Variants in KCNB2 observed in about 807,000 individuals in gnomAD.
KCNB2 encodes potassium voltage-gated channel subfamily B member 2.
Under a neutral mutation model 61.5 loss-of-function variants are expected in KCNB2, and 15 were observed. The ratio of observed to expected loss-of-function variants is 0.24; its 90% CI spans 0.16 to 0.38. The LOEUF is 0.38. KCNB2 is among the 10% of genes least tolerant of loss of function. The probability of loss-of-function intolerance (pLI) is 1.00; values close to 1 mark genes in which losing one functional copy is unlikely to be tolerated. For synonymous variants in KCNB2, 457 were observed against 446.0 expected (o/e 1.02, Z -0.31); for missense variants, 828 against 1,125.2 (o/e 0.74, Z 3.78).
At chr8:72,733,539 C>T (rs1468211520) in intron 2 of KCNB2, among the ~76,000 whole-genome samples, 1 of 152,150 alleles carries the variant, frequency 6.6e-6, no homozygotes, top group Admixed American at 6.6e-5. Context: ...GTCATCATTT[C>T]CTCATCTGTA....
intron 2 of KCNB2, among the ~76,000 whole-genome samples, chr8:72,797,401 T>G (rs960081910): frequency 1.3e-5 from 2 of 152,192 alleles, no homozygotes; most frequent in Admixed American, 6.5e-5. Flanking sequence ...CCCAACCTGT[T>G]TGTGTAATAA....
intron 1 of KCNB2, among the ~76,000 whole-genome samples, chr8:72,556,056 CATT>C (rs1806421497): frequency 6.6e-6 from 1 of 152,030 alleles, no homozygotes; most frequent in Non-Finnish European, 1.5e-5. Flanking sequence ...CTGTTTTTCT[CATT>C]ATTTATTTCA....
chr8:72,729,887 A>C (rs1807712335), intron 2 of KCNB2, among the ~76,000 whole-genome samples: 1 of 148,874 alleles, frequency 6.7e-6, no homozygotes, highest in Non-Finnish European at 1.5e-5. Context: ...CTCCGTCTCA[A>C]AAAAAAAAAA....
intron 2 of KCNB2, among the ~76,000 whole-genome samples, chr8:72,664,665 A>G (rs914025369): frequency 1.3e-5 from 2 of 152,252 alleles, no homozygotes; most frequent in African/African-American, 4.8e-5. Flanking sequence ...AGTACTTGTT[A>G]CATTTCAGAC....
rs569353651 is a variant in KCNB2 at position 72,829,852 on chromosome 8, C to T, written c.580-106083C>T. ...TTACTGATTCTTTTTATTATGTGCT[C>T]GGCCTTCATAACCATCAATATATGA... On this transcript the variant is annotated intron_variant, in intron 2 of 2. Coordinates refer to ENST00000523207, the MANE Select transcript of KCNB2 (RefSeq NM_004770.3). 2.6e-5 allele frequency among the ~76,000 whole-genome samples: 4 copies of T among 151,864 alleles called. No individual in the cohort carries two copies. The South Asian group carries it at 6.3e-4, about 24-fold the overall frequency.
chr8:72,894,792 G>A (rs1805962645), intron 2 of KCNB2, among the ~76,000 whole-genome samples: 1 of 152,158 alleles, frequency 6.6e-6, no homozygotes, highest in Non-Finnish European at 1.5e-5. Context: ...TTCGGGAATT[G>A]TAATTTCACT....
intron 2 of KCNB2, among the ~76,000 whole-genome samples, chr8:72,666,241 T>C (rs1728713307): frequency 6.6e-6 from 1 of 152,222 alleles, no homozygotes; most frequent in Admixed American, 6.5e-5. Context: ...GGCGTTATTT[T>C]CTCTTCAGAA....
chr8:72,641,621 G>T (rs962888729), intron 2 of KCNB2, among the ~76,000 whole-genome samples: 4 of 152,070 alleles, frequency 2.6e-5, no homozygotes, highest in Non-Finnish European at 4.4e-5. Context: ...ATCTCCTTAA[G>T]TGAATGCCAT....
At chr8:72,598,587 G>C (rs1328290706) in intron 2 of KCNB2, among the ~76,000 whole-genome samples, 1 of 152,146 alleles carries the variant, frequency 6.6e-6, no homozygotes, top group Admixed American at 6.5e-5. Context: ...CATAGTGTTG[G>C]AAGTTCTGGC....
chr8:72,792,483 T>C (rs900017846), intron 2 of KCNB2, among the ~76,000 whole-genome samples: 1 of 152,204 alleles, frequency 6.6e-6, no homozygotes, highest in African/African-American at 2.4e-5. Context: ...TTAATGTATT[T>C]ATGTATTTAA....
chr8:72,668,113 C>T (rs562019276), intron 2 of KCNB2, among the ~76,000 whole-genome samples: 2 of 152,340 alleles, frequency 1.3e-5, no homozygotes, highest in East Asian at 3.9e-4. Flanking sequence ...CAGCCATGAA[C>T]TTCCAGTTGC....
intron 2 of KCNB2, among the ~76,000 whole-genome samples, chr8:72,705,778 G>A (rs1006318920): frequency 1.3e-5 from 2 of 152,206 alleles, no homozygotes; most frequent in Non-Finnish European, 2.9e-5. Context: ...TGTGTAGCAT[G>A]AGAATGAAGT....
intron 2 of KCNB2, among the ~76,000 whole-genome samples, chr8:72,784,227 G>T (rs1276225109): frequency 1.3e-5 from 2 of 151,868 alleles, no homozygotes; most frequent in Non-Finnish European, 2.9e-5. Context: ...CTAAACCTTT[G>T]TATCTTTTGA....
At chr8:72,928,341 C>T (rs1420204080) in intron 2 of KCNB2, among the ~76,000 whole-genome samples, 2 of 151,964 alleles carry the variant, frequency 1.3e-5, no homozygotes, top group Non-Finnish European at 2.9e-5. Context: ...TACAGGCACA[C>T]GTAACCACAC....
chr8:72,542,418 T>C (rs1806203102), intron 1 of KCNB2, among the ~76,000 whole-genome samples: 2 of 152,124 alleles, frequency 1.3e-5, no homozygotes, highest in Non-Finnish European at 2.9e-5. Context: ...CATTTCCTTA[T>C]AAAAATAGTA....
intron 2 of KCNB2, among the ~76,000 whole-genome samples, chr8:72,846,746 A>T (rs1810001280): frequency 6.6e-6 from 1 of 152,202 alleles, no homozygotes; most frequent in Non-Finnish European, 1.5e-5. Context: ...ATCATTAAAA[A>T]GTCAAGAAAC....
chr8:72,806,767 G>A (rs1008504740), intron 2 of KCNB2, among the ~76,000 whole-genome samples: 1 of 152,174 alleles, frequency 6.6e-6, no homozygotes, highest in African/African-American at 2.4e-5. Flanking sequence ...ACAGGTAGTG[G>A]ACAAGGATGG....
intron 2 of KCNB2, among the ~76,000 whole-genome samples, chr8:72,842,661 G>T (rs1009520919): frequency 1.3e-5 from 2 of 152,116 alleles, no homozygotes; most frequent in Non-Finnish European, 2.9e-5. Context: ...GCTTGGTCCT[G>T]GGAGGGTGTA....
Position 72,722,123 on chromosome 8 carries a change from CTT to C in KCNB2, c.579+153811_579+153812del, listed in dbSNP as rs1807560488. Among the ~76,000 whole-genome samples the C allele has an allele frequency of 2.6e-5, 4 of 152,254 alleles. No individual in the cohort carries two copies. The South Asian group carries it at 8.3e-4, about 32-fold the overall frequency. On this transcript the variant is annotated intron_variant, in intron 2 of 2. Coordinates refer to ENST00000523207, the MANE Select transcript of KCNB2 (RefSeq NM_004770.3). ...ATCCTGTACATTTGCCTCCTCATAT[CTT>C]CTCAAATCTGACCACACTTTCTCTA...
Sources: allele counts gnomAD v4.1 joint callset (sites outside exome capture counted in the v4.1 genomes callset), GRCh38; gene constraint gnomAD v4.1.1; transcripts MANE v1.5; gene names NCBI Gene and HGNC (gene_info 2026-07-23, HGNC 2026-07-21).